The following UBE3D variants were observed in gnomAD, a reference collection of about 807,000 sequenced individuals.
UBE3D encodes the protein ubiquitin protein ligase E3D, also known as E3 ubiquitin-protein ligase E3D.
UBE3D carries 48 observed loss-of-function variants against 49.6 expected under a neutral mutation model. The observed-to-expected ratio is 0.97, with a 90% CI of 0.77 to 1.23. The LOEUF (loss-of-function observed/expected upper bound fraction) is 1.23, where lower values mean the gene tolerates loss of function less well. UBE3D is among the 50% of genes most tolerant of loss of function. The probability of loss-of-function intolerance (pLI) is 0.00; values close to 1 mark genes in which losing one functional copy is unlikely to be tolerated. For synonymous variants in UBE3D, 189 were observed against 174.2 expected, an observed-to-expected ratio of 1.08 and a Z score of -0.67; for missense variants, 452 against 468.4, an observed-to-expected ratio of 0.96 and a Z score of 0.32.
At chr6:83,054,302 C>T in intron 2 of UBE3D, 64 bp from the exon 3 acceptor site, 2 of 1,240,668 alleles carry the variant, frequency 1.6e-6, no homozygotes, top group African/African-American at 1.5e-5. Context: ...CATACTTAAA[C>T]AGTTCAATAG....
the UBE3D span, among the ~76,000 whole-genome samples, chr6:82,882,149 C>G: frequency 6.6e-6 from 1 of 152,066 alleles, no homozygotes. Flanking sequence ...TGGAATTATC[C>G]ATGAGATTGG....
chr6:82,893,298 A>C (rs1156876643), intron 9 of UBE3D, among the ~76,000 whole-genome samples: 2 of 152,158 alleles, frequency 1.3e-5, no homozygotes, highest in African/African-American at 4.8e-5. Flanking sequence ...ATTGAAACTA[A>C]AGTTATATTG....
rs76224196 is a variant in UBE3D, at chr6:82,911,714, A to G, written c.1150-18672T>C. ...AGTGCTGCTGCCTTCTAAATAATGA[A>G]TAGTTTTCCCCAATGAAGGTGAGGG... is the stretch of plus-strand genomic sequence containing the variant. On this transcript the variant is annotated intron_variant, in intron 9 of 9. Transcript: ENST00000369747. 8.5e-5 allele frequency among the ~76,000 whole-genome samples: 13 copies of G among 152,262 alleles called. No individual in the cohort carries two copies. The East Asian group carries it at 2.5e-3, about 29-fold the overall frequency.
chr6:82,934,427 T>C (rs1433568887), intron 9 of UBE3D, among the ~76,000 whole-genome samples: 1 of 152,234 alleles, frequency 6.6e-6, no homozygotes, highest in Non-Finnish European at 1.5e-5. Flanking sequence ...GACTGCATGA[T>C]GTTTATGAAA....
intron 8 of UBE3D, among the ~76,000 whole-genome samples, chr6:82,958,425 T>C (rs187533268): frequency 6.6e-6 from 1 of 152,208 alleles, no homozygotes; most frequent in East Asian, 1.9e-4. Context: ...TTGCCACTTC[T>C]ATAAACTTCT....
intron 9 of UBE3D, among the ~76,000 whole-genome samples, chr6:82,939,831 C>T (rs1317979544): frequency 6.6e-6 from 1 of 152,192 alleles, no homozygotes; most frequent in African/African-American, 2.4e-5. Context: ...AAAAAATTAA[C>T]TTACTAAACA....
At chr6:83,055,513 T>G (rs1783758689) in intron 2 of UBE3D, among the ~76,000 whole-genome samples, 1 of 152,174 alleles carries the variant, frequency 6.6e-6, no homozygotes, top group Non-Finnish European at 1.5e-5. Context: ...TCCAAAATAT[T>G]TTTTCCAGAC....
intron 9 of UBE3D, among the ~76,000 whole-genome samples, chr6:82,899,255 T>G (rs1169863621): frequency 6.6e-6 from 1 of 152,080 alleles, no homozygotes; most frequent in Non-Finnish European, 1.5e-5. Context: ...AGCAGTCCAA[T>G]GAGGAAGAAG....
Position 83,023,993 on chromosome 6 carries a change from T to C in UBE3D, c.713A>G (p.Glu238Gly), listed in dbSNP as rs1431464058. 1 of 1,537,456 alleles carries C rather than the reference T, an allele frequency of 6.5e-7. No individual in the cohort carries two copies. Among genetic ancestry groups the C allele is most frequent in the Non-Finnish European group, 8.7e-7 (1 of 1,150,070 alleles). The change falls in exon 6 of 10, where the codon GAG becomes GGG. Residue 238 changes from glutamate to glycine, a missense_variant. Coordinates refer to ENST00000369747, the MANE Select transcript of UBE3D (RefSeq NM_198920.3). ...CCTTGGTATGATAGGAAAACTCCTC[T>C]CAGATGACTGAATAATTATCTCTGT... is the stretch of plus-strand genomic sequence containing the variant. ...YMTEIIIQSS[E>G]RSFPIIPRSW...
At chr6:83,064,724 T>C (rs905186067) in intron 1 of UBE3D, among the ~76,000 whole-genome samples, 5 of 152,108 alleles carry the variant, frequency 3.3e-5, no homozygotes, top group Non-Finnish European at 1.5e-5. Flanking sequence ...ACATTCAGAG[T>C]ACTATTATTC....
At chr6:83,008,999 G>T (rs1040881478) in intron 8 of UBE3D, among the ~76,000 whole-genome samples, 1 of 152,130 alleles carries the variant, frequency 6.6e-6, no homozygotes, top group Non-Finnish European at 1.5e-5. Context: ...CCTACTAATT[G>T]AATACAAGAG....
chr6:82,990,840 A>C (rs1234373332), intron 8 of UBE3D, among the ~76,000 whole-genome samples: 1 of 152,156 alleles, frequency 6.6e-6, no homozygotes, highest in African/African-American at 2.4e-5. Flanking sequence ...TCTTTGGAAA[A>C]AGGCATGAAC....
intron 9 of UBE3D, among the ~76,000 whole-genome samples, chr6:82,917,686 C>G (rs1001518383): frequency 1.2e-4 from 18 of 152,176 alleles, no homozygotes; most frequent in African/African-American, 4.3e-4. Context: ...GGAATGGGAA[C>G]TAGGTGGGGG....
At chr6:82,926,171 T>C (rs149442080) in intron 9 of UBE3D, among the ~76,000 whole-genome samples, 1 of 152,278 alleles carries the variant, frequency 6.6e-6, no homozygotes, top group African/African-American at 2.4e-5. Context: ...TGGAGTGGAA[T>C]CCAGATAAAA....
intron 9 of UBE3D, among the ~76,000 whole-genome samples, chr6:82,915,340 AT>A (rs1405218206): frequency 6.6e-6 from 1 of 152,202 alleles, no homozygotes; most frequent in Non-Finnish European, 1.5e-5. Context: ...TAGCAGGAAT[AT>A]TTTGGCAAGC....
intron 8 of UBE3D, among the ~76,000 whole-genome samples, chr6:83,012,140 G>A (rs1373659948): frequency 1.3e-5 from 2 of 152,192 alleles, no homozygotes; most frequent in Non-Finnish European, 2.9e-5. Context: ...CTTGGTCAGA[G>A]GCAATGCTGT....
intron 1 of UBE3D, among the ~76,000 whole-genome samples, chr6:83,060,160 T>G (rs1229615036): frequency 1.3e-5 from 2 of 152,070 alleles, no homozygotes; most frequent in Non-Finnish European, 2.9e-5. Flanking sequence ...AACATGTACA[T>G]TTTGAGGGGA....
At chr6:82,985,347 T>G (rs1778402286) in intron 8 of UBE3D, among the ~76,000 whole-genome samples, 1 of 152,032 alleles carries the variant, frequency 6.6e-6, no homozygotes, top group Non-Finnish European at 1.5e-5. Flanking sequence ...TATGTGGTTT[T>G]GTTTTTTTGT....
At chr6:82,941,601 C>A (rs1010318199) in intron 9 of UBE3D, among the ~76,000 whole-genome samples, 1 of 152,108 alleles carries the variant, frequency 6.6e-6, no homozygotes, top group Non-Finnish European at 1.5e-5. Context: ...TACAGTTTGG[C>A]TCTGTGTCCC....
Sources: gnomAD v4.1 joint callset for allele counts (sites outside exome capture counted in the v4.1 genomes callset) on GRCh38, gnomAD v4.1.1 for gene constraint, MANE v1.5 for transcripts, NCBI Gene and HGNC (gene_info 2026-07-23, HGNC 2026-07-21) for gene names.